CBFA2T2: variants seen among roughly 807,000 people sequenced by gnomAD.
CBFA2T2 encodes the protein protein CBFA2T2.
In CBFA2T2, 11 loss-of-function variants were observed where a neutral mutation model predicts 62.2. The ratio of observed to expected loss-of-function variants is 0.18; its 90% CI spans 0.11 to 0.29. The LOEUF is 0.29. CBFA2T2 is among the 10% of genes least tolerant of loss of function. The probability of loss-of-function intolerance (pLI) is 1.00; values close to 1 mark genes in which losing one functional copy is unlikely to be tolerated. For synonymous variants in CBFA2T2, 295 were observed against 287.5 expected (o/e 1.03, Z -0.27); for missense variants, 592 against 774.1 (o/e 0.76, Z 2.79).
At chr20:33,517,612 G>A (rs1320378190) in intron 1 of CBFA2T2, among the ~76,000 whole-genome samples, 1 of 151,854 alleles carries the variant, frequency 6.6e-6, no homozygotes, top group Non-Finnish European at 1.5e-5. Context: ...ACCATGCACA[G>A]CTTTTTTGTA....
At chr20:33,630,901 C>T (rs1004781206) in intron 8 of CBFA2T2, among the ~76,000 whole-genome samples, 18 of 152,188 alleles carry the variant, frequency 1.2e-4, no homozygotes, top group African/African-American at 4.1e-4. Flanking sequence ...CCTTTCCCCA[C>T]CCCACCCACA....
intron 1 of CBFA2T2, among the ~76,000 whole-genome samples, chr20:33,529,743 T>TTTTA (rs1163402861): frequency 0.097 from 384 of 3,972 alleles, 13 homozygotes; most frequent in South Asian, 0.33. Context: ...AAGAAAGCAG[T>TTTTA]TATATATATA....
intron 1 of CBFA2T2, among the ~76,000 whole-genome samples, chr20:33,572,414 T>C (rs898708377): frequency 2.6e-5 from 4 of 152,210 alleles, no homozygotes; most frequent in Non-Finnish European, 4.4e-5. Context: ...CTAAATGATA[T>C]TAACAGAATT....
intron 1 of CBFA2T2, among the ~76,000 whole-genome samples, chr20:33,595,778 G>A (rs1055891192): frequency 6.6e-6 from 1 of 151,962 alleles, no homozygotes; most frequent in Admixed American, 6.6e-5. Context: ...GAGCTGACTC[G>A]ATCCACCTGC....
At chr20:33,603,594 T>A (rs1433773468) in intron 1 of CBFA2T2, among the ~76,000 whole-genome samples, 1 of 152,184 alleles carries the variant, frequency 6.6e-6, no homozygotes, top group Non-Finnish European at 1.5e-5. Context: ...TGAAATTGAG[T>A]TGGACCCTTA....
At chr20:33,563,549 C>T (rs1053879527) in intron 1 of CBFA2T2, among the ~76,000 whole-genome samples, 1 of 152,004 alleles carries the variant, frequency 6.6e-6, no homozygotes, top group Non-Finnish European at 1.5e-5. Flanking sequence ...GTTTTTGAGG[C>T]CTTCGAATCT....
chr20:33,550,756 G>C (rs1186034627), intron 1 of CBFA2T2, among the ~76,000 whole-genome samples: 2 of 151,976 alleles, frequency 1.3e-5, no homozygotes, highest in Admixed American at 6.6e-5. Flanking sequence ...CTAGTAGCTG[G>C]GATTACAGGT....
At chr20:33,503,585 G>A (rs2011339440) in intron 1 of CBFA2T2, among the ~76,000 whole-genome samples, 1 of 151,962 alleles carries the variant, frequency 6.6e-6, no homozygotes, top group Non-Finnish European at 1.5e-5. Flanking sequence ...AAAAATTATT[G>A]TATAAAACTA....
chr20:33,573,780 C>CTAT lies in CBFA2T2; in HGVS notation c.35-33162_35-33160dup, dbSNP rs1396272899. Among the ~76,000 whole-genome samples, 8 of 151,280 alleles carry CTAT rather than the reference C, an allele frequency of 5.3e-5. No individual in the cohort carries two copies. The East Asian group carries it at 5.8e-4, about 11-fold the overall frequency. ...CAGGCTTGAGCCACCACACCCGGCC[C>CTAT]TATTATTATTATTATTTTGACACAG... On this transcript the variant is annotated intron_variant, in intron 1 of 10. Coordinates refer to ENST00000342704, the MANE Select transcript of CBFA2T2 (RefSeq NM_001032999.3).
chr20:33,512,380 C>G (rs2146855210), intron 1 of CBFA2T2, among the ~76,000 whole-genome samples: 1 of 152,256 alleles, frequency 6.6e-6, no homozygotes, highest in East Asian at 1.9e-4. Flanking sequence ...AAAACATTAA[C>G]AGCAACCACT....
chr20:33,586,534 G>C (rs2014378767), intron 1 of CBFA2T2, among the ~76,000 whole-genome samples: 1 of 152,070 alleles, frequency 6.6e-6, no homozygotes, highest in African/African-American at 2.4e-5. Context: ...CTTTCTCTGA[G>C]GTTTTAAGCA....
intron 3 of CBFA2T2, among the ~76,000 whole-genome samples, chr20:33,615,752 AAG>A (rs1013675825): frequency 6.6e-6 from 1 of 152,054 alleles, no homozygotes; most frequent in Non-Finnish European, 1.5e-5. Context: ...TTAAAAAAAA[AAG>A]AGAGAGAGAC....
intron 1 of CBFA2T2, among the ~76,000 whole-genome samples, chr20:33,526,902 A>G (rs1281572714): frequency 1.3e-5 from 2 of 152,160 alleles, no homozygotes; most frequent in Admixed American, 1.3e-4. Flanking sequence ...TGCAATATTT[A>G]GGGTAAGAGT....
At chr20:33,583,910 TTTTA>T (rs370631379) in intron 1 of CBFA2T2, among the ~76,000 whole-genome samples, 2,959 of 152,036 alleles carry the variant, frequency 0.019, 72 homozygotes, top group East Asian at 0.11. Flanking sequence ...GTTTAAGTGA[TTTTA>T]TTTATTTATT....
At chr20:33,580,987 T>C (rs1449926689) in intron 1 of CBFA2T2, among the ~76,000 whole-genome samples, 1 of 152,164 alleles carries the variant, frequency 6.6e-6, no homozygotes, top group Non-Finnish European at 1.5e-5. Context: ...GGAATGAGTA[T>C]ATATGTCTGC....
At chr20:33,606,848 C>G in intron 1 of CBFA2T2, 108 bp from the exon 2 acceptor site, 1 of 1,034,020 alleles carries the variant, frequency 9.7e-7, no homozygotes, top group South Asian at 1.5e-5. Flanking sequence ...ACTATTCAGC[C>G]TATTATACCA....
At chr20:33,501,328 A>G (rs1223054698) in intron 1 of CBFA2T2, among the ~76,000 whole-genome samples, 2 of 152,178 alleles carry the variant, frequency 1.3e-5, no homozygotes, top group Non-Finnish European at 2.9e-5. Context: ...TAATTTAGCC[A>G]TCTCCATGCA....
Position 33,493,077 on chromosome 20 carries a change from T to TG in CBFA2T2, c.34+2776_34+2777insG, listed in dbSNP as rs1316591510. Among the ~76,000 whole-genome samples, 1,001 of 145,182 alleles carry TG rather than the reference T, an allele frequency of 6.9e-3. 9 individuals are homozygous for TG. Among genetic ancestry groups the TG allele is most frequent in the African/African-American group, 0.024 (938 of 39,058 alleles). ...CTTGATTGAAGTTTTGGTTTTTTTTTTTTTTTTTTTTTTTTGAGACGGAGT... is the reference window on the plus strand; with the variant it reads ...CTTGATTGAAGTTTTGGTTTTTTTTTGTTTTTTTTTTTTTTTGAGACGGAGT... On this transcript the variant is annotated intron_variant, in intron 1 of 10. Coordinates refer to ENST00000342704, the MANE Select transcript of CBFA2T2 (RefSeq NM_001032999.3).
intron 6 of CBFA2T2, 150 bp downstream of exon 6, chr20:33,625,167 T>C (rs1472681643): frequency 1.3e-6 from 1 of 799,754 alleles, no homozygotes; most frequent in African/African-American, 1.7e-5. Context: ...GTTGATCTTA[T>C]TTGATATCAA....
Sources: allele counts gnomAD v4.1 joint callset (sites outside exome capture counted in the v4.1 genomes callset), GRCh38; gene constraint gnomAD v4.1.1; transcripts MANE v1.5; gene names NCBI Gene and HGNC (gene_info 2026-07-23, HGNC 2026-07-21).